Variants in INPP4B observed in about 807,000 individuals in gnomAD.
The protein encoded by INPP4B is inositol polyphosphate 4-phosphatase type II.
INPP4B carries 55 observed loss-of-function variants against 122.5 expected under a neutral mutation model. That is an observed-to-expected ratio of 0.45 (90% CI 0.36 to 0.56). INPP4B has a LOEUF of 0.56. Among genes scored for constraint, INPP4B ranks in the 20% least tolerant of loss-of-function variants. The pLI is 0.00. For synonymous variants in INPP4B, 403 were observed against 388.7 expected (o/e 1.04, Z -0.43); for missense variants, 1,000 against 1,097.7 (o/e 0.91, Z 1.26).
In INPP4B at chr4:142,623,575, A is replaced by G. The variant is rs570156882; in HGVS notation, c.-191+102264T>C. 2.6e-4 allele frequency among the ~76,000 whole-genome samples: 39 copies of G among 151,636 alleles called. 1 individual carries two copies. Among genetic ancestry groups the G allele is most frequent in the African/African-American group, 8.9e-4 (37 of 41,382 alleles). On this transcript the variant is annotated intron_variant, in intron 2 of 25. Transcript: ENST00000262992. ...ATAATTCACTCCTTTTTTAAATTTT[A>G]TTATTATTATACCTTAAGTTTTAGG...
intron 2 of INPP4B, among the ~76,000 whole-genome samples, chr4:142,521,902 C>A (rs1826124524): frequency 6.6e-6 from 1 of 151,924 alleles, no homozygotes; most frequent in Non-Finnish European, 1.5e-5. Context: ...TAAATAGAGT[C>A]CACAAAATAC....
In INPP4B at chr4:142,401,319, T is replaced by G. The variant is rs185015738; in HGVS notation, c.372+1619A>C. On this transcript the variant is annotated intron_variant, in intron 7 of 25. Coordinates refer to ENST00000262992, the MANE Select transcript of INPP4B (RefSeq NM_001101669.3). ...AGCTCTGGGCATAATTTATCAAAGC[T>G]GGTCTAAATATCCCAGCTGCAGTCT... Among the ~76,000 whole-genome samples the G allele has an allele frequency of 2.1e-3, 318 of 152,270 alleles. 1 individual carries two copies. The highest frequency in any genetic ancestry group is 3.4e-3 in the Middle Eastern group (1 of 294).
At chr4:142,342,447 C>T (rs1347118564) in intron 7 of INPP4B, among the ~76,000 whole-genome samples, 1 of 152,040 alleles carries the variant, frequency 6.6e-6, no homozygotes, top group South Asian at 2.1e-4. Context: ...GAGTACCCTC[C>T]CCTTACCTTT....
intron 2 of INPP4B, among the ~76,000 whole-genome samples, chr4:142,624,831 G>A (rs377766983): frequency 3.2e-4 from 48 of 152,024 alleles, no homozygotes; most frequent in Admixed American, 1.4e-3. Flanking sequence ...TTCAATATAC[G>A]CAAATCAATA....
chr4:142,225,793 T>C (rs1199449614), intron 12 of INPP4B, among the ~76,000 whole-genome samples: 6 of 152,136 alleles, frequency 3.9e-5, no homozygotes, highest in African/African-American at 1.4e-4. Flanking sequence ...ATGAGGTTCA[T>C]TTCCACTGAA....
chr4:142,111,432 T>C (rs12509254), intron 22 of INPP4B, among the ~76,000 whole-genome samples: 18,975 of 151,444 alleles, frequency 0.13, 1,330 homozygotes, highest in East Asian at 0.24. Flanking sequence ...CCGCAACCTC[T>C]GCCTCCCCAG....
intron 7 of INPP4B, among the ~76,000 whole-genome samples, chr4:142,360,701 T>G (rs1222121757): frequency 2.6e-5 from 4 of 151,884 alleles, no homozygotes; most frequent in Non-Finnish European, 5.9e-5. Context: ...AAGAAAACCA[T>G]ACTTTTACAT....
intron 7 of INPP4B, among the ~76,000 whole-genome samples, chr4:142,391,329 G>A (rs373131250): frequency 1.1e-3 from 174 of 152,282 alleles, no homozygotes; most frequent in African/African-American, 3.9e-3. Context: ...AAGCCGAGGC[G>A]GGTGGATCAT....
intron 2 of INPP4B, among the ~76,000 whole-genome samples, chr4:142,665,829 C>T (rs964394393): frequency 5.3e-5 from 8 of 152,122 alleles, no homozygotes; most frequent in Admixed American, 1.3e-4. Context: ...GTAGTCCCCT[C>T]TTGTCCATGA....
intron 17 of INPP4B, 41 bp downstream of exon 17, chr4:142,160,317 T>C (rs1175795410): frequency 7.9e-7 from 1 of 1,271,330 alleles, no homozygotes; most frequent in Non-Finnish European, 1.1e-6. Flanking sequence ...TTATTTCTCA[T>C]TGCCAAACAT....
intron 1 of INPP4B, among the ~76,000 whole-genome samples, chr4:142,758,248 A>G (rs993917526): frequency 1.3e-5 from 2 of 152,168 alleles, no homozygotes; most frequent in Non-Finnish European, 2.9e-5. Flanking sequence ...ACATAGGGGG[A>G]ACTCATGAAA....
At chr4:142,043,387 G>T (rs927108967) in intron 25 of INPP4B, among the ~76,000 whole-genome samples, 1 of 152,116 alleles carries the variant, frequency 6.6e-6, no homozygotes, top group Non-Finnish European at 1.5e-5. Context: ...AACTTCCAAG[G>T]TACAGCTCAA....
At chr4:142,189,408 G>T (rs376555698) in intron 15 of INPP4B, among the ~76,000 whole-genome samples, 9 of 152,154 alleles carry the variant, frequency 5.9e-5, no homozygotes, top group Admixed American at 3.3e-4. Flanking sequence ...ATATATACAA[G>T]GTGCTCCATC....
chr4:142,332,704 T>A (rs1054736400), intron 7 of INPP4B, among the ~76,000 whole-genome samples: 10 of 151,808 alleles, frequency 6.6e-5, no homozygotes, highest in Non-Finnish European at 1.0e-4. Flanking sequence ...GCTTTCTTGT[T>A]TAAAACCTTC....
intron 1 of INPP4B, among the ~76,000 whole-genome samples, chr4:142,775,906 A>G (rs993295228): frequency 6.6e-6 from 1 of 152,140 alleles, no homozygotes; most frequent in Non-Finnish European, 1.5e-5. Flanking sequence ...TTTATGATAA[A>G]TGAGTATTTG....
chr4:142,199,978 T>C (rs1839975883), intron 14 of INPP4B, among the ~76,000 whole-genome samples: 1 of 152,052 alleles, frequency 6.6e-6, no homozygotes, highest in South Asian at 2.1e-4. Flanking sequence ...TACTCACTAA[T>C]TTTTGCATTC....
chr4:142,497,034 T>C (rs1300676739), intron 2 of INPP4B: 1 of 152,118 alleles, frequency 6.6e-6, no homozygotes, highest in South Asian at 2.1e-4. Context: ...AATCTATCAT[T>C]AGTAGGATGA....
intron 2 of INPP4B, among the ~76,000 whole-genome samples, chr4:142,674,626 T>C: frequency 6.6e-6 from 1 of 152,060 alleles, no homozygotes; most frequent in Non-Finnish European, 1.5e-5. Flanking sequence ...TAATTGAAAG[T>C]AAAACACTCC....
At chr4:142,782,118 G>A (rs1774936504) in intron 1 of INPP4B, among the ~76,000 whole-genome samples, 1 of 151,950 alleles carries the variant, frequency 6.6e-6, no homozygotes, top group South Asian at 2.1e-4. Context: ...ATCTCCTAAT[G>A]CTATCCCTCC....
Sources: gnomAD v4.1 joint callset for allele counts (sites outside exome capture counted in the v4.1 genomes callset) on GRCh38, gnomAD v4.1.1 for gene constraint, MANE v1.5 for transcripts, NCBI Gene and HGNC (gene_info 2026-07-23, HGNC 2026-07-21) for gene names.